Variants in EGFL6 observed in about 807,000 individuals in gnomAD.
EGFL6 encodes EGF like domain multiple 6, also known as epidermal growth factor-like protein 6.
EGFL6 carries 42 observed loss-of-function variants against 43.1 expected under a neutral mutation model. The ratio of observed to expected loss-of-function variants is 0.98; its 90% CI spans 0.76 to 1.26. The LOEUF (loss-of-function observed/expected upper bound fraction) is 1.26. Ranked by LOEUF, EGFL6 falls within the 50% of genes most tolerant of loss-of-function variation. The pLI is 0.00. For synonymous variants in EGFL6, 164 were observed against 163.2 expected, an observed-to-expected ratio of 1.01 and a Z score of -0.04; for missense variants, 429 against 427.8, an observed-to-expected ratio of 1.00 and a Z score of -0.02.
At chrX:13,631,807 T>A (rs1483448767) in intron 11 of EGFL6, among the ~76,000 whole-genome samples, 1 of 110,840 alleles carries the variant, frequency 9.0e-6, no homozygotes, top group East Asian at 2.8e-4. Flanking sequence ...AATATAAATA[T>A]AAATAAATAA....
chrX:13,574,167 C>T (rs1379336478), intron 1 of EGFL6, among the ~76,000 whole-genome samples: 4 of 112,149 alleles, frequency 3.6e-5, no homozygotes, highest in Non-Finnish European at 7.5e-5. Flanking sequence ...CTTGTGAAGA[C>T]AAGGGAGCCG....
At chrX:13,584,564 T>C (rs1460217658) in intron 1 of EGFL6, among the ~76,000 whole-genome samples, 2 of 112,017 alleles carry the variant, frequency 1.8e-5, no homozygotes, top group African/African-American at 3.2e-5. Flanking sequence ...GTCCGTCTAA[T>C]GAGTACTCAA....
chrX:13,576,840 G>C (rs962942633), intron 1 of EGFL6, among the ~76,000 whole-genome samples: 6 of 111,627 alleles, frequency 5.4e-5, no homozygotes, highest in Admixed American at 9.5e-5. Flanking sequence ...AAAAGCCATG[G>C]TGTTTCCCAA....
chrX:13,593,993 A>G (rs1406609274), intron 2 of EGFL6, among the ~76,000 whole-genome samples: 1 of 111,368 alleles, frequency 9.0e-6, no homozygotes, highest in Non-Finnish European at 1.9e-5. Flanking sequence ...TTGAGCTCCT[A>G]CTATATCCAG....
At chrX:13,605,511 T>C (rs781683570) in intron 5 of EGFL6, among the ~76,000 whole-genome samples, 1 of 108,169 alleles carries the variant, frequency 9.2e-6, no homozygotes, top group South Asian at 4.2e-4. Flanking sequence ...CCTGGGGAAT[T>C]TGTGGCTGTA....
chrX:13,630,625 T>C (rs775586230), intron 11 of EGFL6, among the ~76,000 whole-genome samples: 1 of 112,411 alleles, frequency 8.9e-6, no homozygotes, highest in African/African-American at 3.2e-5. Context: ...AGTAATAACT[T>C]GTTTCCAATA....
chrX:13,581,909 C>T (rs1007953732), intron 1 of EGFL6, among the ~76,000 whole-genome samples: 3 of 111,320 alleles, frequency 2.7e-5, no homozygotes, highest in Non-Finnish European at 5.7e-5. Flanking sequence ...TCTCAAGACT[C>T]GGTTCCCTGA....
intron 4 of EGFL6, 116 bp downstream of exon 4, chrX:13,600,210 C>G (rs1375434182): frequency 1.4e-6 from 1 of 709,723 alleles, no homozygotes; most frequent in Non-Finnish European, 1.9e-6. Flanking sequence ...AATATTGCCC[C>G]CAGCTAAAAT....
chrX:13,624,950 C>T (rs1229435177), intron 10 of EGFL6: 1 of 111,989 alleles, frequency 8.9e-6, no homozygotes, highest in African/African-American at 3.2e-5. Context: ...TTTAACCAGG[C>T]TGAAAACATC....
intron 1 of EGFL6, 115 bp from the exon 2 acceptor site, chrX:13,589,441 C>G (rs1005341080): frequency 3.6e-6 from 2 of 563,317 alleles, no homozygotes; most frequent in Non-Finnish European, 5.2e-6. Context: ...GCACTTACTG[C>G]GGGTTCGTTG....
At chrX:13,574,417 A>C (rs1215505890) in intron 1 of EGFL6, among the ~76,000 whole-genome samples, 1 of 111,063 alleles carries the variant, frequency 9.0e-6, no homozygotes, top group Admixed American at 9.6e-5. Flanking sequence ...CAGGACAAAA[A>C]CTCCTCTGAG....
At chrX:13,601,222 A>G (rs1171580134) in intron 4 of EGFL6, among the ~76,000 whole-genome samples, 1 of 111,571 alleles carries the variant, frequency 9.0e-6, no homozygotes, top group Non-Finnish European at 1.9e-5. Context: ...CCCACCAGCT[A>G]ACTTTCTCAC....
intron 9 of EGFL6, 42 bp downstream of exon 9, chrX:13,619,285 T>G (rs752298920): frequency 9.1e-7 from 1 of 1,098,101 alleles, no homozygotes; most frequent in South Asian, 1.9e-5. Flanking sequence ...TTTCATGTTG[T>G]CCTGGTCGTT....
chrX:13,630,777 G>A (rs908141515), intron 11 of EGFL6, among the ~76,000 whole-genome samples: 1 of 112,073 alleles, frequency 8.9e-6, no homozygotes, highest in Middle Eastern at 4.6e-3. Flanking sequence ...GGTGATGACA[G>A]CAAGCCTAAA....
At chrX:13,593,626 G>C (rs1159136912) in intron 2 of EGFL6, among the ~76,000 whole-genome samples, 1 of 111,976 alleles carries the variant, frequency 8.9e-6, no homozygotes, top group African/African-American at 3.2e-5. Context: ...GGGGAAAGCA[G>C]GGAGAGGGAT....
At chrX:13,601,778 A>G (rs1431558983) in intron 4 of EGFL6, among the ~76,000 whole-genome samples, 3 of 111,877 alleles carry the variant, frequency 2.7e-5, no homozygotes, top group African/African-American at 9.8e-5. Context: ...TTATAAGGCA[A>G]GCACCCTTGT....
At position 13,603,448 on chromosome X, in the gene EGFL6, G is replaced by A. The variant is rs1199185271; in HGVS notation, c.520+12G>A. The A allele has an allele frequency of 8.4e-7, 1 of 1,193,440 alleles. No individual in the cohort carries two copies. Among genetic ancestry groups the A allele is most frequent in the Non-Finnish European group, 1.1e-6 (1 of 887,415 alleles). ...AAGAGACTGTCTAGGTACAACAGCA[G>A]GAATCACCTCTACTCCTCCTTCTCC... On this transcript the variant is annotated intron_variant, in intron 5 of 11. Coordinates refer to ENST00000361306, the MANE Select transcript of EGFL6 (RefSeq NM_015507.4).
At chrX:13,594,750 C>G (rs2045587033) in intron 2 of EGFL6, 86 bp from the exon 3 acceptor site, 1 of 835,968 alleles carries the variant, frequency 1.2e-6, no homozygotes, top group Non-Finnish European at 1.7e-6. Context: ...GAGTTCTCTG[C>G]CACACAGAAC....
chrX:13,617,895 C>G lies in EGFL6; in HGVS notation c.944C>G (p.Pro315Arg), dbSNP rs764426297. The G allele has an allele frequency of 5.8e-6, 7 of 1,211,069 alleles. No individual in the cohort carries two copies. In the South Asian group the frequency reaches 1.2e-4, roughly 21 times the overall value. ...CCTACCCCTAAGGTGAACTTGCAGC[C>G]CTTCAACTATGAAGAGATAGTTTCC... is the stretch of plus-strand genomic sequence containing the variant. ...RTPTPKVNLQ[P>R]FNYEEIVSRG... The change falls in exon 8 of 12, where the codon CCC (proline) becomes CGC (arginine). Residue 315 changes from proline to arginine, a missense_variant. Pro to Arg is a moderately radical substitution (Grantham distance 103). Transcript: ENST00000361306.
Sources: allele counts gnomAD v4.1 joint callset (sites outside exome capture counted in the v4.1 genomes callset), GRCh38; gene constraint gnomAD v4.1.1; transcripts MANE v1.5; gene names NCBI Gene and HGNC (gene_info 2026-07-23, HGNC 2026-07-21).